EFCAB11: variants seen among roughly 807,000 people sequenced by gnomAD.
The protein encoded by EFCAB11 is EF-hand calcium binding domain 11.
EFCAB11 carries 14 observed loss-of-function variants against 23.0 expected under a neutral mutation model. The observed-to-expected ratio is 0.61, with a 90% CI of 0.40 to 0.95. The LOEUF (loss-of-function observed/expected upper bound fraction) is 0.95, where lower values mean the gene tolerates loss of function less well. Among genes scored for constraint, EFCAB11 ranks in the 40% least tolerant of loss-of-function variants. The pLI, the probability that EFCAB11 is intolerant of heterozygous loss-of-function variation, is 0.00. For synonymous variants in EFCAB11, 65 were observed against 66.6 expected (o/e 0.98, Z 0.11); for missense variants, 198 against 195.8 (o/e 1.01, Z -0.07).
intron 5 of EFCAB11, among the ~76,000 whole-genome samples, chr14:89,871,295 C>T (rs1276522282): frequency 1.3e-5 from 2 of 152,156 alleles, no homozygotes; most frequent in Middle Eastern, 3.2e-3. Flanking sequence ...CTGGTTTCTG[C>T]CTATGGAAAT....
intron 5 of EFCAB11, among the ~76,000 whole-genome samples, chr14:89,874,795 G>A (rs930962752): frequency 6.6e-6 from 1 of 152,134 alleles, no homozygotes; most frequent in African/African-American, 2.4e-5. Flanking sequence ...GGGAGGCTGA[G>A]GCAAGAGAAT....
intron 1 of EFCAB11, 130 bp downstream of exon 1, chr14:89,954,456 C>G: frequency 6.5e-7 from 1 of 1,538,236 alleles, no homozygotes; most frequent in Non-Finnish European, 8.7e-7. Flanking sequence ...AGTCATTAAC[C>G]ACGACCCTTT....
At chr14:89,909,759 T>C (rs55817811) in intron 5 of EFCAB11, among the ~76,000 whole-genome samples, 19,218 of 152,024 alleles carry the variant, frequency 0.13, 1,418 homozygotes, top group South Asian at 0.24. Context: ...CTGAAAAAAA[T>C]AGGTGTATTT....
intron 5 of EFCAB11, among the ~76,000 whole-genome samples, chr14:89,870,240 AG>A (rs372050362): frequency 0.011 from 1,624 of 152,344 alleles, 18 homozygotes; most frequent in South Asian, 0.037. Context: ...AAATAATCTT[AG>A]ATTAGGAAAA....
chr14:89,808,017 A>C (rs1886027136), intron 5 of EFCAB11, among the ~76,000 whole-genome samples: 1 of 152,172 alleles, frequency 6.6e-6, no homozygotes, highest in Non-Finnish European at 1.5e-5. Flanking sequence ...CAGGAAAAGA[A>C]GCCGGGATAA....
intron 5 of EFCAB11, among the ~76,000 whole-genome samples, chr14:89,802,599 A>C (rs985700340): frequency 1.4e-4 from 22 of 152,066 alleles, no homozygotes; most frequent in African/African-American, 5.3e-4. Flanking sequence ...CGCCATGCTG[A>C]CCAGGCTGGT....
At chr14:89,801,862 C>T (rs974376486) in intron 5 of EFCAB11, among the ~76,000 whole-genome samples, 48 of 152,132 alleles carry the variant, frequency 3.2e-4, no homozygotes, top group Non-Finnish European at 5.6e-4. Flanking sequence ...GGCATGGTGA[C>T]GCACACCTAT....
intron 5 of EFCAB11, among the ~76,000 whole-genome samples, chr14:89,884,823 A>G (rs941546378): frequency 6.6e-6 from 1 of 152,222 alleles, no homozygotes; most frequent in Admixed American, 6.5e-5. Flanking sequence ...TTAGGTCATG[A>G]GAGTGGGACC....
intron 5 of EFCAB11, among the ~76,000 whole-genome samples, chr14:89,910,528 C>T (rs961597511): frequency 2.0e-5 from 3 of 152,038 alleles, no homozygotes; most frequent in Admixed American, 1.3e-4. Context: ...AACCAGGAGG[C>T]GGAGACTGCA....
intron 5 of EFCAB11, among the ~76,000 whole-genome samples, chr14:89,912,577 C>A (rs1030591931): frequency 6.6e-6 from 1 of 152,032 alleles, no homozygotes; most frequent in African/African-American, 2.4e-5. Flanking sequence ...TTTACATGAC[C>A]TATTTTTCCA....
intron 5 of EFCAB11, among the ~76,000 whole-genome samples, chr14:89,879,211 T>C (rs1008526974): frequency 6.6e-6 from 1 of 152,092 alleles, no homozygotes; most frequent in Non-Finnish European, 1.5e-5. Context: ...GTGTACTCGA[T>C]CCTACTTCCT....
At chr14:89,890,433 T>C (rs756890394) in intron 5 of EFCAB11, among the ~76,000 whole-genome samples, 89 of 152,342 alleles carry the variant, frequency 5.8e-4, no homozygotes, top group Non-Finnish European at 1.0e-3. Flanking sequence ...ACTGATTTTA[T>C]ATATTTTCTA....
intron 5 of EFCAB11, among the ~76,000 whole-genome samples, chr14:89,903,747 T>C (rs1414060352): frequency 1.3e-5 from 2 of 152,184 alleles, no homozygotes; most frequent in Admixed American, 1.3e-4. Flanking sequence ...AACCACAATT[T>C]ATTATCTACC....
intron 3 of EFCAB11, among the ~76,000 whole-genome samples, chr14:89,939,602 T>C (rs561972071): frequency 6.6e-6 from 1 of 152,298 alleles, no homozygotes; most frequent in Admixed American, 6.5e-5. Context: ...CTTCAGCATG[T>C]CCAGCTCCAG....
intron 5 of EFCAB11, among the ~76,000 whole-genome samples, chr14:89,886,027 A>G (rs1449886887): frequency 2.0e-5 from 3 of 152,212 alleles, no homozygotes. Context: ...AAAGTTATAT[A>G]ATAAAGAGAG....
chr14:89,835,604 G>A (rs1887049809), intron 5 of EFCAB11, among the ~76,000 whole-genome samples: 2 of 143,652 alleles, frequency 1.4e-5, no homozygotes, highest in East Asian at 4.0e-4. Flanking sequence ...GTGTGTGTGT[G>A]TGTGTGTGTG....
intron 3 of EFCAB11, among the ~76,000 whole-genome samples, chr14:89,939,453 G>A (rs1890714149): frequency 6.6e-6 from 1 of 152,076 alleles, no homozygotes; most frequent in Non-Finnish European, 1.5e-5. Flanking sequence ...CACAGAAGAG[G>A]GTCTCTGAAG....
At chr14:89,840,522 C>T (rs969152810) in intron 5 of EFCAB11, among the ~76,000 whole-genome samples, 10 of 152,086 alleles carry the variant, frequency 6.6e-5, no homozygotes, top group African/African-American at 2.4e-5. Flanking sequence ...GAACAAATAT[C>T]AAAATAAGCA....
rs1041430767 is a variant in EFCAB11 at position 89,796,259 on chromosome 14, T to G, written c.*984A>C. The G allele has an allele frequency of 6.6e-6, 1 of 152,264 alleles. No individual in the cohort carries two copies. Among genetic ancestry groups the G allele is most frequent in the Non-Finnish European group, 1.5e-5 (1 of 68,058 alleles). The allele number at this position is 152,264 out of a possible 1,614,324, so 9.4% of individuals were successfully genotyped here. On this transcript the variant is annotated 3_prime_UTR_variant, in exon 6 of 6. Coordinates refer to ENST00000316738, the MANE Select transcript of EFCAB11 (RefSeq NM_145231.4). Reference sequence around the variant, plus strand: ...CTGGGACCACTTTACAGTGATGATTTGGACTCAGGGACATTATCTTAGAGA... The same window carrying G: ...CTGGGACCACTTTACAGTGATGATTGGGACTCAGGGACATTATCTTAGAGA...
Sources: gnomAD v4.1 joint callset for allele counts (sites outside exome capture counted in the v4.1 genomes callset) on GRCh38, gnomAD v4.1.1 for gene constraint, MANE v1.5 for transcripts, NCBI Gene and HGNC (gene_info 2026-07-23, HGNC 2026-07-21) for gene names.